Variants in DUSP4 observed in about 807,000 individuals in gnomAD.
DUSP4 encodes the protein dual specificity protein phosphatase 4.
A neutral mutation model predicts 27.2 loss-of-function variants in DUSP4; 12 were observed. The ratio of observed to expected loss-of-function variants is 0.44; its 90% CI spans 0.28 to 0.71. The LOEUF is 0.71. Ranked by LOEUF, DUSP4 falls within the 30% of genes least tolerant of loss-of-function variation. The probability of loss-of-function intolerance (pLI) is 0.14; values close to 1 mark genes in which losing one functional copy is unlikely to be tolerated. For synonymous variants in DUSP4, 257 were observed against 245.2 expected, an observed-to-expected ratio of 1.05 and a Z score of -0.45; for missense variants, 448 against 551.3, an observed-to-expected ratio of 0.81 and a Z score of 1.88.
Position 29,337,345 on chromosome 8 carries a change from G to T in DUSP4, c.866C>A (p.Thr289Asn). ...HCQAGISRSA[T>N]ICLAYLMMKK... ...CATCATCAGGTAGGCCAGGCAGATG[G>T]TGGCCGACCGCGAGATGCCCGCCTG... Residue 289 changes from threonine to asparagine, a missense_variant, in exon 4 of 4, where the codon ACC becomes AAC. By Grantham distance (65) the Thr-to-Asn change is moderately conservative. Around this residue, in one of 3 missense-constraint regions of DUSP4, gnomAD observed 3 missense variants for 17.5 expected, o/e 0.17. Transcript: ENST00000240100. This position sits in a 1 kb window ranked among gnomAD's most constrained non-coding sequence, Gnocchi z 6.4. 1 of 1,611,698 alleles carries T rather than the reference G, an allele frequency of 6.2e-7. No individual in the cohort carries two copies. Among genetic ancestry groups the T allele is most frequent in the South Asian group, 1.1e-5 (1 of 91,084 alleles).
intron 1 of DUSP4, chr8:29,348,535 T>A (rs1243793474): frequency 1.0e-6 from 1 of 985,336 alleles, no homozygotes; most frequent in Non-Finnish European, 1.2e-6. Context: ...ACAGCAGCGT[T>A]TCCCCAGCAG....
intron 2 of DUSP4, 44 bp from the exon 3 acceptor site, chr8:29,338,545 A>G: frequency 6.3e-7 from 1 of 1,583,310 alleles, no homozygotes; most frequent in African/African-American, 1.3e-5. Flanking sequence ...ACATGAGGGT[A>G]AAGTGCTTGG....
Position 29,337,692 on chromosome 8 carries a change from A to C in DUSP4, c.800-281T>G, listed in dbSNP as rs1285446609. Among the ~76,000 whole-genome samples the C allele has an allele frequency of 2.6e-5, 4 of 152,094 alleles. No individual in the cohort carries two copies. The highest frequency in any genetic ancestry group is 2.6e-4 in the Admixed American group (4 of 15,282). ...ACAGTGGGGTCCAGGGTGGTGGCTC[A>C]CTCCTGTAATCCCAGCGCTTTGGGA... On this transcript the variant is annotated intron_variant, in intron 3 of 3. Coordinates refer to ENST00000240100, the MANE Select transcript of DUSP4 (RefSeq NM_001394.7). The surrounding 1 kb of genome is among the most constrained non-coding windows in gnomAD (Gnocchi z 6.4).
intron 1 of DUSP4, among the ~76,000 whole-genome samples, chr8:29,344,627 G>A (rs1156471852): frequency 6.6e-6 from 1 of 152,112 alleles, no homozygotes; most frequent in Non-Finnish European, 1.5e-5. Context: ...TCCTCATACA[G>A]GGAGGCAATT....
chr8:29,342,776 C>T (rs1346097777), intron 1 of DUSP4, among the ~76,000 whole-genome samples: 1 of 152,178 alleles, frequency 6.6e-6, no homozygotes, highest in African/African-American at 2.4e-5. Context: ...CCCCCAGGCT[C>T]ATCGCAACTG....
chr8:29,350,646 C>T lies in DUSP4; in HGVS notation c.-368G>A. On this transcript the variant is annotated 5_prime_UTR_variant, in exon 1 of 4. Coordinates refer to ENST00000240100, the MANE Select transcript of DUSP4 (RefSeq NM_001394.7). Reference sequence around the variant, plus strand: ...CGCCACTGGCGCCAGCGCTGCCCTGCCTACGCTCCTCCGGCGCTCAGCGCA... The same window carrying T: ...CGCCACTGGCGCCAGCGCTGCCCTGTCTACGCTCCTCCGGCGCTCAGCGCA... The T allele has an allele frequency of 4.1e-6, 1 of 242,936 alleles. No individual in the cohort carries two copies. Among genetic ancestry groups the T allele is most frequent in the Non-Finnish European group, 7.8e-6 (1 of 127,810 alleles). 15.0% of individuals were successfully genotyped at this position (242,936 alleles called of 1,614,324 possible).
At chr8:29,347,868 G>A (rs542594510) in intron 1 of DUSP4, 1 of 985,564 alleles carries the variant, frequency 1.0e-6, no homozygotes, top group African/African-American at 1.7e-5. Context: ...TGGGGAAATG[G>A]AGGAGGTTGG....
Position 29,349,932 on chromosome 8 carries a change from T to C in DUSP4, c.347A>G (p.Glu116Gly). ...CACGGTGCTGTCCTCGCGGAGGCTCTCGGCGCGCGGGCTGCGCTCGTCGTA... is the reference window on the plus strand; with the variant it reads ...CACGGTGCTGTCCTCGCGGAGGCTCCCGGCGCGCGGGCTGCGCTCGTCGTA... ...IVYDERSPRA[E>G]SLREDSTVSL... The change falls in exon 1 of 4, where the codon GAG becomes GGG. Residue 116 changes from glutamate to glycine, a missense_variant. By Grantham distance (98) the Glu-to-Gly change is moderately conservative. Around this residue, in one of 3 missense-constraint regions of DUSP4, gnomAD observed 345 missense variants for 394.0 expected, o/e 0.88. Transcript: ENST00000240100. 6.3e-7 allele frequency: 1 copy of C among 1,594,070 alleles called. No individual in the cohort carries two copies. The highest frequency in any genetic ancestry group is 8.5e-7 in the Non-Finnish European group (1 of 1,174,522).
chr8:29,339,812 T>C (rs1817628851), intron 2 of DUSP4, among the ~76,000 whole-genome samples: 1 of 147,098 alleles, frequency 6.8e-6, no homozygotes, highest in Admixed American at 6.8e-5. Flanking sequence ...AAGACCAGCC[T>C]GGGCAACATA....
chr8:29,339,266 C>T (rs1392626775), intron 2 of DUSP4, among the ~76,000 whole-genome samples: 1 of 152,160 alleles, frequency 6.6e-6, no homozygotes, highest in African/African-American at 2.4e-5. Context: ...GCAACAGTGG[C>T]TTAAATTTAG....
At position 29,337,067 on chromosome 8, in the gene DUSP4, G is replaced by A. The variant is rs1217923405; in HGVS notation, c.1144C>T (p.Pro382Ser). 2.5e-6 allele frequency: 4 copies of A among 1,606,886 alleles called. No homozygotes were observed. The highest frequency in any genetic ancestry group is 3.3e-4 in the Middle Eastern group (2 of 6,052). ...GTGGTGATGGGGCTGTGCAGGTAGG[G>A]CAGGCTGCTGGGGGCCGAGTGCACG... ...VGVHSAPSSLPYLHSPITTSP... is the reference protein window; with the variant it reads ...VGVHSAPSSLSYLHSPITTSP... The change falls in exon 4 of 4, where the codon CCC (proline) becomes TCC (serine). Residue 382 changes from proline to serine, a missense_variant. Pro to Ser is a moderately conservative substitution (Grantham distance 74, BLOSUM62 -1). Coordinates refer to ENST00000240100, the MANE Select transcript of DUSP4 (RefSeq NM_001394.7). The surrounding 1 kb of genome is among the most constrained non-coding windows in gnomAD (Gnocchi z 6.4).
At position 29,335,810 on chromosome 8, in the gene DUSP4, T is replaced by G. The variant is rs1773252706; in HGVS notation, c.*1216A>C. On this transcript the variant is annotated 3_prime_UTR_variant, in exon 4 of 4. Transcript: ENST00000240100. The stretch of plus-strand genomic sequence containing the variant: ...AGGAGCACCTTAGTGTAATATGGCA[T>G]ATTGATCACAGACGATAGACAAGTC... 1 of 152,196 alleles carries G rather than the reference T, an allele frequency of 6.6e-6. No homozygotes were observed. The highest frequency in any genetic ancestry group is 1.5e-5 in the Non-Finnish European group (1 of 68,042). 9.4% of individuals were successfully genotyped at this position (152,196 alleles called of 1,614,324 possible).
At position 29,350,218 on chromosome 8, in the gene DUSP4, G is replaced by T; in HGVS notation, c.61C>A (p.Arg21=). The T allele has an allele frequency of 6.2e-7, 1 of 1,608,558 alleles. No individual in the cohort carries two copies. Among genetic ancestry groups the T allele is most frequent in the East Asian group, 2.2e-5 (1 of 44,738 alleles). The part of the protein sequence containing the change: ...DCSVLKRLMN[R]DENGGGAGGS... ...CCCGCGCCGCCGCCATTCTCGTCCCGGTTCATCAGCCTTTTGAGCACACTG... is the reference window on the plus strand; with the variant it reads ...CCCGCGCCGCCGCCATTCTCGTCCCTGTTCATCAGCCTTTTGAGCACACTG... Residue 21 remains arginine (R), a synonymous_variant, in exon 1 of 4, where the codon CGG becomes AGG. Transcript: ENST00000240100.
rs946834863 is a variant in DUSP4, at chr8:29,333,330, G to A, written c.*3696C>T. The A allele has an allele frequency of 6.6e-5, 10 of 152,240 alleles. No homozygotes were observed. The East Asian group carries it at 1.7e-3, about 26-fold the overall frequency. 9.4% of individuals were successfully genotyped at this position (152,240 alleles called of 1,614,324 possible). ...AAACTCTAAGGGAGAGAGAGTACTGGTGGGGAAGCGGGGTTCAAAGAGGAG... is the reference window on the plus strand; with the variant it reads ...AAACTCTAAGGGAGAGAGAGTACTGATGGGGAAGCGGGGTTCAAAGAGGAG... On this transcript the variant is annotated 3_prime_UTR_variant, in exon 4 of 4. Coordinates refer to ENST00000240100, the MANE Select transcript of DUSP4 (RefSeq NM_001394.7).
intron 1 of DUSP4, chr8:29,348,761 G>C (rs112635844): frequency 6.1e-5 from 60 of 985,392 alleles, no homozygotes; most frequent in East Asian, 1.1e-4. Context: ...GCGCCTGCGG[G>C]GGGGAGGAGC....
chr8:29,343,505 G>A (rs904606467), intron 1 of DUSP4, among the ~76,000 whole-genome samples: 1 of 152,160 alleles, frequency 6.6e-6, no homozygotes, highest in African/African-American at 2.4e-5. Flanking sequence ...GTCATCTCTG[G>A]GTGTCAGTCT....
chr8:29,337,494 G>C lies in DUSP4; in HGVS notation c.800-83C>G. Reference sequence around the variant, plus strand: ...GGGCACCGGCCAGCCCCTGGGGTCGGGGGGCTCTGAAGGAAGGACTAGCCG... The same window carrying C: ...GGGCACCGGCCAGCCCCTGGGGTCGCGGGGCTCTGAAGGAAGGACTAGCCG... On this transcript the variant is annotated intron_variant, in intron 3 of 3. Transcript: ENST00000240100. The surrounding 1 kb of genome is among the most constrained non-coding windows in gnomAD (Gnocchi z 6.4). 6.6e-7 allele frequency: 1 copy of C among 1,505,122 alleles called. No individual in the cohort carries two copies. The highest frequency in any genetic ancestry group is 8.8e-7 in the Non-Finnish European group (1 of 1,134,708). 93.2% of individuals were successfully genotyped at this position (1,505,122 alleles called of 1,614,324 possible).
chr8:29,348,395 G>C lies in DUSP4; in HGVS notation c.433+1451C>G, dbSNP rs1817766474. 4.1e-6 allele frequency: 4 copies of C among 985,526 alleles called. No homozygotes were observed. In the South Asian group the frequency reaches 1.9e-4, roughly 46 times the overall value. 61.0% of individuals were successfully genotyped at this position (985,526 alleles called of 1,614,324 possible). ...GGCCTTCCGGGACAAGCCCCTTCCT[G>C]GCACTTTCTCTTGGAGCGCTTTGGG... On this transcript the variant is annotated intron_variant, in intron 1 of 3. Transcript: ENST00000240100.
chr8:29,340,344 A>AG, intron 1 of DUSP4, 101 bp from the exon 2 acceptor site: 1 of 1,444,172 alleles, frequency 6.9e-7, no homozygotes, highest in East Asian at 2.4e-5. Flanking sequence ...CTAGGAAGGC[A>AG]GGGGCTGGCG....
Sources: gnomAD v4.1 joint callset for allele counts (sites outside exome capture counted in the v4.1 genomes callset) on GRCh38, gnomAD v4.1.1 for gene constraint, gnomAD v4.1.1 regional missense constraint, Gnocchi (gnomAD v3.1) non-coding constraint, MANE v1.5 for transcripts, NCBI Gene and HGNC (gene_info 2026-07-23, HGNC 2026-07-21) for gene names.